Variants in CCDC7 observed in about 807,000 individuals in gnomAD.
The protein encoded by CCDC7 is coiled-coil domain-containing protein 7.
In CCDC7, 183 loss-of-function variants were observed where a neutral mutation model predicts 196.9. That is an observed-to-expected ratio of 0.93 (90% CI 0.82 to 1.05). The LOEUF (loss-of-function observed/expected upper bound fraction) is 1.05. Among genes scored for constraint, CCDC7 ranks in the 50% least tolerant of loss-of-function variants. The probability of loss-of-function intolerance (pLI) is 0.00; values close to 1 mark genes in which losing one functional copy is unlikely to be tolerated. For missense variants in CCDC7, 1,540 were observed against 1,482.2 expected, an observed-to-expected ratio of 1.04 and a Z score of -0.64; for synonymous variants, 525 against 484.6, an observed-to-expected ratio of 1.08 and a Z score of -1.10.
chr10:32,527,908 A>G (rs915763931), intron 11 of CCDC7, among the ~76,000 whole-genome samples: 3 of 151,768 alleles, frequency 2.0e-5, no homozygotes, highest in Non-Finnish European at 4.4e-5. Flanking sequence ...ATGGGGTACA[A>G]GTGTAATATT....
chr10:32,537,758 T>G (rs2050760750), intron 11 of CCDC7, among the ~76,000 whole-genome samples: 1 of 152,132 alleles, frequency 6.6e-6, no homozygotes, highest in Non-Finnish European at 1.5e-5. Flanking sequence ...GAGTCCTTTC[T>G]TCATTGCTTG....
chr10:32,536,717 A>G (rs569776282), intron 11 of CCDC7, among the ~76,000 whole-genome samples: 1 of 152,118 alleles, frequency 6.6e-6, no homozygotes, highest in East Asian at 1.9e-4. Flanking sequence ...CCTAGAATCC[A>G]TGTGGTCTTG....
chr10:32,515,513 A>G (rs2046874517), intron 9 of CCDC7, among the ~76,000 whole-genome samples: 1 of 152,146 alleles, frequency 6.6e-6, no homozygotes, highest in Non-Finnish European at 1.5e-5. Context: ...GGTTATCCCC[A>G]TGCAAAAGAA....
At chr10:32,575,903 C>T (rs2137228224) in intron 16 of CCDC7, among the ~76,000 whole-genome samples, 2 of 152,192 alleles carry the variant, frequency 1.3e-5, no homozygotes, top group Non-Finnish European at 2.9e-5. Flanking sequence ...AGTAAGGTCA[C>T]CAGCTGGGTT....
At chr10:32,473,247 G>A (rs891859849) in intron 7 of CCDC7, among the ~76,000 whole-genome samples, 3 of 152,150 alleles carry the variant, frequency 2.0e-5, no homozygotes, top group African/African-American at 7.2e-5. Context: ...GGAGTTAGAA[G>A]GCTTTATGCA....
exon 33 of CCDC7, chr10:32,834,894 T>C: frequency 7.1e-7 from 1 of 1,402,380 alleles, no homozygotes; most frequent in Non-Finnish European, 1.0e-6. Flanking sequence ...CAAAGAGTCA[T>C]GGAGGTAAGA....
At chr10:32,835,856 C>G (rs2092560074) in intron 33 of CCDC7, among the ~76,000 whole-genome samples, 1 of 152,054 alleles carries the variant, frequency 6.6e-6, no homozygotes, top group African/African-American at 2.4e-5. Flanking sequence ...AAAATGAAAA[C>G]AAATGCAGTA....
intron 24 of CCDC7, among the ~76,000 whole-genome samples, chr10:32,699,055 T>C (rs2078194585): frequency 6.7e-6 from 1 of 149,662 alleles, no homozygotes; most frequent in Non-Finnish European, 1.5e-5. Flanking sequence ...GTATTAAACA[T>C]TCTTTTTTTT....
chr10:32,762,982 C>G lies in CCDC7; in HGVS notation c.2906-15995C>G, dbSNP rs577850727. 4.0e-5 allele frequency among the ~76,000 whole-genome samples: 6 copies of G among 151,648 alleles called. No individual in the cohort carries two copies. In the South Asian group the frequency reaches 1.2e-3, roughly 32 times the overall value. The stretch of plus-strand genomic sequence containing the variant: ...ATTTTTAGATAGCTCACCAAGAGCA[C>G]AGGACACAAAAGCAAAAGTATACAA... On this transcript the variant is annotated intron_variant, in intron 28 of 41. Transcript: ENST00000639629.
intron 20 of CCDC7, among the ~76,000 whole-genome samples, chr10:32,661,448 T>A (rs2071421807): frequency 6.6e-6 from 1 of 151,870 alleles, no homozygotes; most frequent in Non-Finnish European, 1.5e-5. Context: ...GCAGAGGGAG[T>A]TTCTTACCAT....
At chr10:32,828,422 A>AGAAGG (rs1565632760) in intron 32 of CCDC7, among the ~76,000 whole-genome samples, 1 of 131,950 alleles carries the variant, frequency 7.6e-6, no homozygotes, top group Non-Finnish European at 1.7e-5. Context: ...GAAGGAGAAG[A>AGAAGG]AGAAGAAGGA....
At chr10:32,853,475 C>A (rs2136308235) in intron 40 of CCDC7, among the ~76,000 whole-genome samples, 1 of 152,212 alleles carries the variant, frequency 6.6e-6, no homozygotes, top group Non-Finnish European at 1.5e-5. Flanking sequence ...TGTTTCATTT[C>A]TGTGCAAAAA....
chr10:32,538,040 T>C (rs1376279341), intron 11 of CCDC7, among the ~76,000 whole-genome samples: 1 of 152,150 alleles, frequency 6.6e-6, no homozygotes, highest in Non-Finnish European at 1.5e-5. Flanking sequence ...ACGACATTGG[T>C]AGTTTGATAG....
At chr10:32,701,142 A>G (rs2078647082) in intron 24 of CCDC7, among the ~76,000 whole-genome samples, 1 of 152,216 alleles carries the variant, frequency 6.6e-6, no homozygotes, top group South Asian at 2.1e-4. Context: ...CCAGTTTTCA[A>G]AGGGAATGCG....
intron 16 of CCDC7, among the ~76,000 whole-genome samples, chr10:32,572,866 C>CTGTTT (rs2057734906): frequency 1.1e-5 from 1 of 90,354 alleles, no homozygotes; most frequent in African/African-American, 4.5e-5. Flanking sequence ...AAGCATGGTG[C>CTGTTT]TTTTTTTTTT....
chr10:32,826,046 G>A (rs2091059473), intron 32 of CCDC7, among the ~76,000 whole-genome samples: 1 of 152,170 alleles, frequency 6.6e-6, no homozygotes, highest in South Asian at 2.1e-4. Context: ...CTTTGTCTGA[G>A]GAGATAAACT....
At chr10:32,454,021 A>G (rs1318823135) in intron 2 of CCDC7, among the ~76,000 whole-genome samples, 3 of 152,234 alleles carry the variant, frequency 2.0e-5, no homozygotes, top group African/African-American at 4.8e-5. Context: ...ACTCTTCACA[A>G]TAAAGGGAAC....
intron 9 of CCDC7, among the ~76,000 whole-genome samples, chr10:32,492,564 CTAAGTATAA>C (rs67130177): frequency 0.14 from 20,937 of 152,022 alleles, 1,727 homozygotes; most frequent in East Asian, 0.25. Flanking sequence ...GGACATTCTG[CTAAGTATAA>C]TAAGCCAGCC....
intron 8 of CCDC7, among the ~76,000 whole-genome samples, chr10:32,489,398 TGTG>T (rs973990078): frequency 2.0e-5 from 3 of 152,064 alleles, no homozygotes; most frequent in South Asian, 2.1e-4. Context: ...GCTAGCTTGT[TGTG>T]GTGGTAGCTC....
Sources: gnomAD v4.1 joint callset for allele counts (sites outside exome capture counted in the v4.1 genomes callset) on GRCh38, gnomAD v4.1.1 for gene constraint, MANE v1.5 for transcripts, NCBI Gene and HGNC (gene_info 2026-07-23, HGNC 2026-07-21) for gene names.